Variants in AFF2 observed in about 807,000 individuals in gnomAD.
AFF2 encodes ALF transcription elongation factor 2.
AFF2 carries 14 observed loss-of-function variants against 76.9 expected under a neutral mutation model. The observed-to-expected ratio is 0.18, with a 90% CI of 0.12 to 0.28. The LOEUF (loss-of-function observed/expected upper bound fraction) is 0.28. AFF2 is among the 10% of genes least tolerant of loss of function. The probability of loss-of-function intolerance (pLI) is 1.00; values close to 1 mark genes in which losing one functional copy is unlikely to be tolerated. For synonymous variants in AFF2, 398 were observed against 366.7 expected (o/e 1.09, Z -0.98); for missense variants, 868 against 1,001.1 (o/e 0.87, Z 1.79).
intron 3 of AFF2, among the ~76,000 whole-genome samples, chrX:148,772,741 GA>G (rs2069605578): frequency 9.0e-6 from 1 of 110,857 alleles, no homozygotes; most frequent in Non-Finnish European, 1.9e-5. Flanking sequence ...AATTGAGATT[GA>G]GAAAACAAAT....
intron 9 of AFF2, among the ~76,000 whole-genome samples, chrX:148,931,665 G>T (rs2071714900): frequency 8.9e-6 from 1 of 112,180 alleles, no homozygotes; most frequent in African/African-American, 3.2e-5. Context: ...TGAAATGCAT[G>T]TTTTTATTCT....
At chrX:148,647,307 A>T (rs1366516894) in intron 1 of AFF2, among the ~76,000 whole-genome samples, 2 of 112,672 alleles carry the variant, frequency 1.8e-5, no homozygotes, top group East Asian at 5.5e-4. Flanking sequence ...TAAATCATAT[A>T]TTAGCAGTAT....
In AFF2 at chrX:148,758,334, A is replaced by G. The variant is rs782507994; in HGVS notation, c.1042-51542A>G. 3.5e-5 allele frequency among the ~76,000 whole-genome samples: 4 copies of G among 112,964 alleles called. No homozygotes were observed. In the South Asian group the frequency reaches 1.4e-3, roughly 41 times the overall value. ...GAAACACGTTTCTCAAATATTGGAT[A>G]GCTGTTTTTGTGATTTTGCTTGTTT... On this transcript the variant is annotated intron_variant, in intron 3 of 20. Coordinates refer to ENST00000370460, the MANE Select transcript of AFF2 (RefSeq NM_002025.4).
chrX:148,925,402 G>T (rs1264922770), intron 9 of AFF2, among the ~76,000 whole-genome samples: 1 of 112,666 alleles, frequency 8.9e-6, no homozygotes, highest in African/African-American at 3.2e-5. Flanking sequence ...AAATATTAAA[G>T]AAAACCTCAG....
At chrX:148,661,790 C>T (rs1241784663) in intron 2 of AFF2, 118 bp from the exon 3 acceptor site, 121 of 752,583 alleles carry the variant, frequency 1.6e-4, no homozygotes, top group Non-Finnish European at 2.3e-4. Context: ...GGCAGCAAGA[C>T]ATATTTAAAG....
At chrX:148,581,311 T>C (rs1557244787) in intron 1 of AFF2, among the ~76,000 whole-genome samples, 32 of 61,923 alleles carry the variant, frequency 5.2e-4, no homozygotes, top group African/African-American at 1.8e-3. Flanking sequence ...CACATATACG[T>C]ATACGTGTAC....
chrX:148,618,563 G>T, intron 1 of AFF2, among the ~76,000 whole-genome samples: 1 of 110,678 alleles, frequency 9.0e-6, no homozygotes. Context: ...GATTTGGGTG[G>T]GACACAGAGC....
chrX:148,512,827 A>T (rs2052496782), intron 1 of AFF2, among the ~76,000 whole-genome samples: 1 of 112,331 alleles, frequency 8.9e-6, no homozygotes, highest in Non-Finnish European at 1.9e-5. Flanking sequence ...AAAGGATTAC[A>T]TCTGTCTTTG....
At chrX:148,524,474 T>A (rs1458924390) in intron 1 of AFF2, among the ~76,000 whole-genome samples, 1 of 111,491 alleles carries the variant, frequency 9.0e-6, no homozygotes, top group Middle Eastern at 4.2e-3. Flanking sequence ...CCAAAGGAAA[T>A]AATTTTTAAA....
chrX:148,751,493 C>T (rs2055498417), intron 3 of AFF2, among the ~76,000 whole-genome samples: 1 of 112,172 alleles, frequency 8.9e-6, no homozygotes, highest in African/African-American at 3.2e-5. Context: ...TCTTATGATG[C>T]CCTACTCACC....
In AFF2 at chrX:148,550,718, C is replaced by T. The variant is rs782207944; in HGVS notation, c.47+49574C>T. On this transcript the variant is annotated intron_variant, in intron 1 of 20. Coordinates refer to ENST00000370460, the MANE Select transcript of AFF2 (RefSeq NM_002025.4). ...GTTTATCGAGGGGCATCTGCGAATA[C>T]GTATGTGCAGGAAAAAAACTAGAAG... Among the ~76,000 whole-genome samples, 11 of 110,986 alleles carry T rather than the reference C, an allele frequency of 9.9e-5. No homozygotes were observed. In the South Asian group the frequency reaches 4.2e-3, roughly 42 times the overall value.
chrX:148,954,943 A>G (rs2072014641), intron 10 of AFF2, among the ~76,000 whole-genome samples: 1 of 112,679 alleles, frequency 8.9e-6, no homozygotes. Flanking sequence ...CCCGAATAGT[A>G]TGTATCATTG....
In AFF2 at chrX:148,559,467, C is replaced by T. The variant is rs149615269; in HGVS notation, c.47+58323C>T. Among the ~76,000 whole-genome samples the T allele has an allele frequency of 9.3e-3, 1,036 of 110,939 alleles. 14 individuals carry two copies. Among genetic ancestry groups the T allele is most frequent in the African/African-American group, 0.031 (947 of 30,468 alleles). On this transcript the variant is annotated intron_variant, in intron 1 of 20. Transcript: ENST00000370460. Reference sequence around the variant, plus strand: ...AGGCCCTGGTGTGTGATGTTCCCCTCCCTGTGTCCATGTGTTCTCATTGTT... The same window carrying T: ...AGGCCCTGGTGTGTGATGTTCCCCTTCCTGTGTCCATGTGTTCTCATTGTT...
At chrX:148,852,389 GTTTTT>G (rs33916305) in intron 7 of AFF2, among the ~76,000 whole-genome samples, 1 of 78,842 alleles carries the variant, frequency 1.3e-5, no homozygotes, top group Non-Finnish European at 2.4e-5. Flanking sequence ...CCAGCAGCTG[GTTTTT>G]TTTTTTTTTT....
chrX:148,882,905 C>T (rs781966659), intron 7 of AFF2, among the ~76,000 whole-genome samples: 56 of 111,777 alleles, frequency 5.0e-4, no homozygotes, highest in African/African-American at 1.7e-3. Flanking sequence ...ACTTCTTTGA[C>T]TTGTGTTTAC....
intron 5 of AFF2, among the ~76,000 whole-genome samples, chrX:148,839,526 A>G (rs1349516915): frequency 2.7e-5 from 3 of 111,879 alleles, no homozygotes; most frequent in African/African-American, 9.8e-5. Flanking sequence ...TATCCAGTTA[A>G]TAAATAAGGG....
chrX:148,859,954 T>G (rs782513070), intron 7 of AFF2, among the ~76,000 whole-genome samples: 2 of 111,726 alleles, frequency 1.8e-5, no homozygotes, highest in African/African-American at 6.5e-5. Flanking sequence ...TTTCTCCTAA[T>G]GCTATCCCAT....
intron 3 of AFF2, among the ~76,000 whole-genome samples, chrX:148,808,015 T>C (rs2070158499): frequency 8.9e-6 from 1 of 112,378 alleles, no homozygotes; most frequent in Non-Finnish European, 1.9e-5. Flanking sequence ...AACCCAAGAC[T>C]GAAGCCAAGG....
chrX:148,636,721 G>T (rs935068401), intron 1 of AFF2, among the ~76,000 whole-genome samples: 2 of 111,591 alleles, frequency 1.8e-5, no homozygotes, highest in Admixed American at 9.5e-5. Context: ...TCTAAAAGTT[G>T]TGTGTGAAAT....
Sources: allele counts gnomAD v4.1 joint callset (sites outside exome capture counted in the v4.1 genomes callset), GRCh38; gene constraint gnomAD v4.1.1; transcripts MANE v1.5; gene names NCBI Gene and HGNC (gene_info 2026-07-23, HGNC 2026-07-21).